MAMSTR: variants seen among roughly 807,000 people sequenced by gnomAD.
The protein encoded by MAMSTR is MEF2 activating motif and SAP domain containing transcriptional regulator.
A neutral mutation model predicts 42.7 loss-of-function variants in MAMSTR; 41 were observed. That is an observed-to-expected ratio of 0.96 (90% CI 0.75 to 1.25). MAMSTR has a LOEUF of 1.25. Among genes scored for constraint, MAMSTR ranks in the 50% most tolerant of loss-of-function variants. The pLI is 0.00. For synonymous variants in MAMSTR, 265 were observed against 244.1 expected (o/e 1.09, Z -0.80); for missense variants, 567 against 557.6 (o/e 1.02, Z -0.17).
the MAMSTR span, among the ~76,000 whole-genome samples, chr19:48,706,555 T>C: frequency 6.6e-6 from 1 of 152,008 alleles, no homozygotes; most frequent in African/African-American, 2.4e-5. Flanking sequence ...AAGAATCGCT[T>C]GAACCTGGGA....
the MAMSTR span, among the ~76,000 whole-genome samples, chr19:48,706,986 C>T: frequency 6.6e-6 from 1 of 152,202 alleles, no homozygotes; most frequent in Non-Finnish European, 1.5e-5. Context: ...GGACCAGCTA[C>T]TCGGAAGGCT....
At position 48,713,314 on chromosome 19, in the gene MAMSTR, C is replaced by A. The variant is rs770909901; in HGVS notation, c.1201G>T (p.Asp401Tyr). ...PPSIFSADLS[D>Y]SSSSRLWDLL... ...TCCCACAGCCGGCTGCTGCTGGAGT[C>A]AGATAAGTCAGCGGAGAAGATGCTG... The change falls in exon 10 of 10, where the codon GAC (aspartate) becomes TAC (tyrosine). Residue 401 changes from aspartate to tyrosine, a missense_variant. Coordinates refer to ENST00000318083, the MANE Select transcript of MAMSTR (RefSeq NM_001130915.2). The A allele has an allele frequency of 6.2e-7, 1 of 1,605,666 alleles. No homozygotes were observed. Among genetic ancestry groups the A allele is most frequent in the African/African-American group, 1.3e-5 (1 of 74,252 alleles).
chr19:48,719,006 C>G lies in MAMSTR; in HGVS notation c.26G>C (p.Arg9Pro). The G allele has an allele frequency of 1.3e-6, 2 of 1,550,676 alleles. No homozygotes were observed. The highest frequency in any genetic ancestry group is 1.7e-6 in the Non-Finnish European group (2 of 1,146,468). The change falls in exon 2 of 10, where the codon CGT becomes CCT. Residue 9 changes from arginine (R) to proline (P), a missense_variant. Coordinates refer to ENST00000318083, the MANE Select transcript of MAMSTR (RefSeq NM_001130915.2). This position sits in a 1 kb window ranked among gnomAD's most constrained non-coding sequence, Gnocchi z 4.4. Reference protein sequence around the residue: MTLAASSQRSQIIRSKFRS... With the variant: MTLAASSQPSQIIRSKFRS... ...GAACTTGGAGCGAATGATTTGGGAA[C>G]GCTGGGAGGAAGCCGCCAGGGTCAT...
chr19:48,714,279 A>T, intron 7 of MAMSTR, 87 bp downstream of exon 7: 21 of 1,054,262 alleles, frequency 2.0e-5, no homozygotes, highest in Middle Eastern at 3.0e-4. Context: ...TCGCCCCCAC[A>T]CTTCATTGGC....
intron 2 of MAMSTR, among the ~76,000 whole-genome samples, chr19:48,717,518 G>A (rs1248141358): frequency 2.0e-5 from 3 of 148,786 alleles, no homozygotes; most frequent in Non-Finnish European, 4.4e-5. Flanking sequence ...TGTTGCCCAG[G>A]ATGAATGTTA....
At position 48,715,279 on chromosome 19, in the gene MAMSTR, C is replaced by T. The variant is rs780304485; in HGVS notation, c.408G>A (p.Ser136=). Residue 136 remains serine, a synonymous_variant, in exon 5 of 10, where the codon TCG becomes TCA. Transcript: ENST00000318083. ...TGTCATACCTAGGATGTGGCTGCTG[C>T]GAGTCTGTCCCTTCCCACAGAGATG... ...PGPSLWEGTD[S]QQPHPRMKPS... is the part of the protein sequence containing the mutation. The T allele has an allele frequency of 5.0e-6, 8 of 1,591,462 alleles. No homozygotes were observed. In the South Asian group the frequency reaches 6.9e-5, roughly 14 times the overall value.
Position 48,714,314 on chromosome 19 carries a change from GC to G in MAMSTR, c.723+51del, listed in dbSNP as rs1317971115. 1.4e-5 allele frequency: 18 copies of G among 1,319,140 alleles called. No homozygotes were observed. The East Asian group carries it at 4.5e-4, about 33-fold the overall frequency. The allele number at this position is 1,319,140 out of a possible 1,614,324, so 81.7% of individuals were successfully genotyped here. On this transcript the variant is annotated intron_variant, in intron 7 of 9. Transcript: ENST00000318083. ...CTAGTTTTTTCGACACCCCGCCCCG[GC>G]CCACTTTGCTTTCTCTTCATTGGTC...
downstream of MAMSTR, among the ~76,000 whole-genome samples, chr19:48,708,851 A>G (rs550108431): frequency 1.3e-5 from 2 of 152,218 alleles, no homozygotes; most frequent in South Asian, 4.1e-4. Flanking sequence ...GGCAGGAGGG[A>G]GTTGGAGACA....
At chr19:48,708,678 C>A (rs1277034247), downstream of MAMSTR, among the ~76,000 whole-genome samples, 2 of 152,120 alleles carry the variant, frequency 1.3e-5, no homozygotes, top group African/African-American at 4.8e-5. Flanking sequence ...GCAGGGACCA[C>A]GTGCACCCTC....
At chr19:48,714,221 T>C in intron 7 of MAMSTR, 145 bp downstream of exon 7, 1 of 974,578 alleles carries the variant, frequency 1.0e-6, no homozygotes, top group South Asian at 2.1e-5. Flanking sequence ...CGCCCCCTGT[T>C]AGTCTGAACC....
chr19:48,718,741 C>T (rs138411987), intron 2 of MAMSTR, among the ~76,000 whole-genome samples: 5 of 152,232 alleles, frequency 3.3e-5, no homozygotes, highest in South Asian at 2.1e-4. Flanking sequence ...GCCCTCTGCA[C>T]GCCTACCCCT....
intron 9 of MAMSTR, 67 bp from the exon 10 acceptor site, chr19:48,713,617 C>G: frequency 1.2e-6 from 2 of 1,601,290 alleles, no homozygotes; most frequent in Non-Finnish European, 1.7e-6. Context: ...CCCCATACCC[C>G]ATTTCCAGGA....
chr19:48,716,138 G>T (rs1017635143), intron 3 of MAMSTR, among the ~76,000 whole-genome samples: 2 of 152,184 alleles, frequency 1.3e-5, no homozygotes, highest in African/African-American at 4.8e-5. Context: ...CAGTTTGGGA[G>T]ACTGAGGCGG....
chr19:48,709,962 T>C (rs2032699631), downstream of MAMSTR, among the ~76,000 whole-genome samples: 1 of 150,746 alleles, frequency 6.6e-6, no homozygotes, highest in Non-Finnish European at 1.5e-5. Flanking sequence ...CTCCACCTCC[T>C]GGGTTCAGGC....
downstream of MAMSTR, among the ~76,000 whole-genome samples, chr19:48,711,559 GTTGTTTGT>G (rs57913334): frequency 0.39 from 57,882 of 150,266 alleles, 11,836 homozygotes; most frequent in East Asian, 0.84. Flanking sequence ...GTGGGTTTTT[GTTGTTTGT>G]TTGTTTGTTT....
chr19:48,714,625 G>T, intron 6 of MAMSTR, 65 bp from the exon 7 acceptor site: 1 of 1,427,282 alleles, frequency 7.0e-7, no homozygotes, highest in Non-Finnish European at 9.3e-7. Flanking sequence ...GGCAGGAGCT[G>T]GACAGGATAT....
At chr19:48,714,598 G>T in intron 6 of MAMSTR, 38 bp from the exon 7 acceptor site, 2 of 1,463,116 alleles carry the variant, frequency 1.4e-6, no homozygotes, top group Admixed American at 2.7e-5. Flanking sequence ...GCAGTGCTGG[G>T]CGGGCTCCCG....
In MAMSTR at chr19:48,714,510, C is replaced by A. The variant is rs377056066; in HGVS notation, c.579G>T (p.Gly193=). 6 of 1,449,912 alleles carry A rather than the reference C, an allele frequency of 4.1e-6. No individual in the cohort carries two copies. The highest frequency in any genetic ancestry group is 5.4e-6 in the Non-Finnish European group (6 of 1,114,348). The allele number at this position is 1,449,912 out of a possible 1,614,324, so 89.8% of individuals were successfully genotyped here. A position where few individuals can be genotyped will look rare whatever the true frequency, so the allele number is the denominator to read the frequency against. ...QLRLRGLPVS[G]TKSMLLERMR... ...TGCGCTCCAGGAGCATAGACTTGGT[C>A]CCCGACACTGGGAGGCCCCGCAGGC... is the stretch of plus-strand genomic sequence containing the variant. Residue 193 remains glycine, a synonymous_variant, in exon 7 of 10, where the codon GGG becomes GGT. Transcript: ENST00000318083.
At chr19:48,707,396 T>G in the MAMSTR span, among the ~76,000 whole-genome samples, 1 of 147,466 alleles carries the variant, frequency 6.8e-6, no homozygotes, top group Non-Finnish European at 1.5e-5. Flanking sequence ...AGCCTGCCAG[T>G]AGCGCGAGAC....
Sources: gnomAD v4.1 joint callset for allele counts (sites outside exome capture counted in the v4.1 genomes callset) on GRCh38, gnomAD v4.1.1 for gene constraint, Gnocchi (gnomAD v3.1) non-coding constraint, MANE v1.5 for transcripts, NCBI Gene and HGNC (gene_info 2026-07-23, HGNC 2026-07-21) for gene names.